The following DMD variants were observed in gnomAD, a reference collection of about 807,000 sequenced individuals.
DMD encodes mutant dystrophin.
Under a neutral mutation model 330.1 loss-of-function variants are expected in DMD, and 63 were observed. The observed-to-expected ratio is 0.19, with a 90% CI of 0.16 to 0.24. The LOEUF (loss-of-function observed/expected upper bound fraction) is 0.24. DMD is among the 10% of genes least tolerant of loss of function. The pLI, the probability that DMD is intolerant of heterozygous loss-of-function variation, is 1.00. For synonymous variants in DMD, 1,223 were observed against 959.8 expected, an observed-to-expected ratio of 1.27 and a Z score of -5.07; for missense variants, 3,344 against 2,684.1, an observed-to-expected ratio of 1.25 and a Z score of -5.43.
chrX:32,614,849 A>T (rs1602173054), intron 11 of DMD, among the ~76,000 whole-genome samples: 1 of 108,855 alleles, frequency 9.2e-6, no homozygotes, highest in South Asian at 3.8e-4. Context: ...TCTATTTTCC[A>T]TCCCTGTGAA....
intron 42 of DMD, among the ~76,000 whole-genome samples, chrX:32,288,214 G>T (rs144237653): frequency 9.0e-6 from 1 of 111,381 alleles, no homozygotes; most frequent in South Asian, 3.8e-4. Context: ...TTAATATGAC[G>T]CAAACAAAAT....
intron 2 of DMD, among the ~76,000 whole-genome samples, chrX:32,988,664 A>G (rs1427816995): frequency 8.9e-6 from 1 of 112,282 alleles, no homozygotes. Flanking sequence ...GGAAGACTCA[A>G]GTTATACGGA....
intron 49 of DMD, among the ~76,000 whole-genome samples, chrX:31,821,808 T>A (rs2092766533): frequency 1.8e-5 from 2 of 111,990 alleles, no homozygotes. Context: ...TTGATTGATG[T>A]CGGGTTTGGT....
At chrX:31,165,292 A>T (rs1468223466) in intron 74 of DMD, among the ~76,000 whole-genome samples, 1 of 112,368 alleles carries the variant, frequency 8.9e-6, no homozygotes, top group Non-Finnish European at 1.9e-5. Context: ...TGGCTTCATA[A>T]GGTCTTACTG....
chrX:32,188,356 C>G (rs1030876997), intron 44 of DMD, among the ~76,000 whole-genome samples: 3 of 106,752 alleles, frequency 2.8e-5, no homozygotes, highest in African/African-American at 1.0e-4. Flanking sequence ...GGCTTCCTGA[C>G]TTACCAAAAA....
intron 7 of DMD, chrX:32,756,143 G>C (rs1192424081): frequency 8.9e-6 from 1 of 112,186 alleles, no homozygotes; most frequent in Non-Finnish European, 1.9e-5. Flanking sequence ...TCATTAAAAT[G>C]CATTTGTTCC....
intron 44 of DMD, among the ~76,000 whole-genome samples, chrX:32,080,445 T>C (rs2096383425): frequency 8.9e-6 from 1 of 112,701 alleles, no homozygotes. Context: ...GATTTTTAAA[T>C]AAAGTTATGT....
intron 47 of DMD, among the ~76,000 whole-genome samples, chrX:31,901,330 T>G (rs1207954761): frequency 8.9e-6 from 1 of 111,817 alleles, no homozygotes; most frequent in Non-Finnish European, 1.9e-5. Flanking sequence ...AATCCTACCA[T>G]AATATTTTGT....
At chrX:33,009,685 TATGCAC>T (rs2093592650) in intron 2 of DMD, among the ~76,000 whole-genome samples, 1 of 50,946 alleles carries the variant, frequency 2.0e-5, no homozygotes, top group Non-Finnish European at 4.7e-5. Flanking sequence ...TATATGTGTA[TATGCAC>T]ATATGTGTGT....
intron 17 of DMD, among the ~76,000 whole-genome samples, chrX:32,542,778 G>C (rs1240198056): frequency 8.9e-6 from 1 of 111,864 alleles, no homozygotes; most frequent in East Asian, 2.8e-4. Flanking sequence ...CTAAATGTTT[G>C]CCTTTTTGCT....
intron 62 of DMD, among the ~76,000 whole-genome samples, chrX:31,297,296 GA>G (rs889966658): frequency 2.7e-5 from 3 of 110,992 alleles, no homozygotes; most frequent in African/African-American, 9.8e-5. Flanking sequence ...GCAAGAGGTA[GA>G]GTAGAGATGC....
intron 44 of DMD, among the ~76,000 whole-genome samples, chrX:32,124,560 T>G (rs1012228514): frequency 8.9e-6 from 1 of 112,374 alleles, no homozygotes; most frequent in Non-Finnish European, 1.9e-5. Context: ...AGGTACAACT[T>G]TTCATTCATC....
intron 1 of DMD, among the ~76,000 whole-genome samples, chrX:33,222,951 T>C (rs1336490160): frequency 8.9e-6 from 1 of 112,031 alleles, no homozygotes; most frequent in East Asian, 2.8e-4. Flanking sequence ...AGTAGTTACT[T>C]TGCAGATATT....
intron 1 of DMD, among the ~76,000 whole-genome samples, chrX:33,210,885 G>T: frequency 9.0e-6 from 1 of 111,212 alleles, no homozygotes; most frequent in Non-Finnish European, 1.9e-5. Context: ...TATATGTCAG[G>T]TCAGTAACCT....
chrX:31,277,554 G>C (rs1008339010), intron 62 of DMD, among the ~76,000 whole-genome samples: 1 of 111,545 alleles, frequency 9.0e-6, no homozygotes, highest in African/African-American at 3.3e-5. Flanking sequence ...GATCTAAGGT[G>C]GGAGACACTG....
chrX:31,858,144 T>C (rs1293515367), intron 48 of DMD, among the ~76,000 whole-genome samples: 2 of 111,465 alleles, frequency 1.8e-5, no homozygotes, highest in African/African-American at 6.5e-5. Flanking sequence ...TATTTGTTAA[T>C]TAGAATCATA....
At chrX:31,768,365 A>C (rs1603462539) in intron 51 of DMD, among the ~76,000 whole-genome samples, 3 of 95,096 alleles carry the variant, frequency 3.2e-5, no homozygotes, top group African/African-American at 7.8e-5. Flanking sequence ...TCCTTTCCTC[A>C]CTCCTCTTTT....
At chrX:32,007,514 T>C (rs1459081727) in intron 44 of DMD, among the ~76,000 whole-genome samples, 2 of 110,999 alleles carry the variant, frequency 1.8e-5, no homozygotes, top group African/African-American at 3.3e-5. Flanking sequence ...AGGAAACAAT[T>C]GCAGGGAGTA....
intron 60 of DMD, among the ~76,000 whole-genome samples, chrX:31,409,616 G>A (rs1158628249): frequency 9.0e-6 from 1 of 111,248 alleles, no homozygotes; most frequent in Non-Finnish European, 1.9e-5. Context: ...AATATCCTTG[G>A]GCCCTAATAC....
Sources: allele counts gnomAD v4.1 joint callset (sites outside exome capture counted in the v4.1 genomes callset), GRCh38; gene constraint gnomAD v4.1.1; transcripts MANE v1.5; gene names NCBI Gene and HGNC (gene_info 2026-07-23, HGNC 2026-07-21).